PSMA1: variants seen among roughly 807,000 people sequenced by gnomAD.
The protein encoded by PSMA1 is proteasome subunit alpha type-1.
Under a neutral mutation model 38.4 loss-of-function variants are expected in PSMA1, and 3 were observed. The observed-to-expected ratio is 0.08, with a 90% CI of 0.04 to 0.20. PSMA1 has a LOEUF of 0.20. PSMA1 is among the 10% of genes least tolerant of loss of function. The pLI, the probability that PSMA1 is intolerant of heterozygous loss-of-function variation, is 1.00. For synonymous variants in PSMA1, 101 were observed against 107.1 expected (o/e 0.94, Z 0.35); for missense variants, 227 against 325.3 (o/e 0.70, Z 2.32).
chr11:14,621,444 T>G (rs975706337), intron 1 of PSMA1, among the ~76,000 whole-genome samples: 4 of 150,530 alleles, frequency 2.7e-5, no homozygotes, highest in African/African-American at 9.7e-5. Flanking sequence ...TTTTGTTTTG[T>G]TTTTTTTGTA....
At chr11:14,608,159 T>C (rs994530590) in intron 2 of PSMA1, among the ~76,000 whole-genome samples, 1 of 152,038 alleles carries the variant, frequency 6.6e-6, no homozygotes, top group Non-Finnish European at 1.5e-5. Flanking sequence ...GAGACCAACT[T>C]GGGCAACATG....
At chr11:14,597,052 G>T (rs1446414279) in intron 2 of PSMA1, among the ~76,000 whole-genome samples, 1 of 152,168 alleles carries the variant, frequency 6.6e-6, no homozygotes, top group Admixed American at 6.5e-5. Context: ...TACGTTTATT[G>T]ATTTGCGTAT....
At chr11:14,614,808 C>T (rs1852751817) in intron 1 of PSMA1, among the ~76,000 whole-genome samples, 1 of 152,182 alleles carries the variant, frequency 6.6e-6, no homozygotes, top group Non-Finnish European at 1.5e-5. Context: ...TGGCAAAGAT[C>T]CCCAAAATGA....
At chr11:14,580,752 A>G (rs566457772) in intron 2 of PSMA1, among the ~76,000 whole-genome samples, 1 of 152,356 alleles carries the variant, frequency 6.6e-6, no homozygotes. Flanking sequence ...AGCCATAGGC[A>G]GAGAAGAACA....
intron 1 of PSMA1, among the ~76,000 whole-genome samples, chr11:14,626,307 C>A (rs1852911300): frequency 6.6e-6 from 1 of 152,106 alleles, no homozygotes; most frequent in South Asian, 2.1e-4. Context: ...ATAAATGAGA[C>A]CATTTTGTTA....
At chr11:14,565,593 T>C (rs1473473281) in intron 2 of PSMA1, among the ~76,000 whole-genome samples, 3 of 152,214 alleles carry the variant, frequency 2.0e-5, no homozygotes, top group Non-Finnish European at 2.9e-5. Flanking sequence ...TATAGCTACC[T>C]ACCAAGGAAT....
chr11:14,515,229 G>C (rs1231121252), intron 4 of PSMA1, among the ~76,000 whole-genome samples: 1 of 152,180 alleles, frequency 6.6e-6, no homozygotes, highest in Non-Finnish European at 1.5e-5. Flanking sequence ...TCCCAATGCT[G>C]CCTAAAAGTA....
In PSMA1 at chr11:14,530,317, C is replaced by T. The variant is rs563093424; in HGVS notation, c.22-11276G>A. Among the ~76,000 whole-genome samples, 4 of 152,290 alleles carry T rather than the reference C, an allele frequency of 2.6e-5. No homozygotes were observed. The South Asian group carries it at 8.3e-4, about 32-fold the overall frequency. On this transcript the variant is annotated intron_variant, in intron 2 of 10. Transcript: ENST00000418988. ...GATGGACAGCTAAGAGTTGCAAAAACAGTTCCCTTTCCACTCCTGCCACCT... is the reference window on the plus strand; with the variant it reads ...GATGGACAGCTAAGAGTTGCAAAAATAGTTCCCTTTCCACTCCTGCCACCT...
intron 2 of PSMA1, among the ~76,000 whole-genome samples, chr11:14,568,528 A>C (rs1338331653): frequency 6.6e-6 from 1 of 152,220 alleles, no homozygotes; most frequent in Non-Finnish European, 1.5e-5. Flanking sequence ...CTCAGATGGA[A>C]TTTCACAGTC....
intron 2 of PSMA1, among the ~76,000 whole-genome samples, chr11:14,561,809 T>TTAAACTAAAC (rs71044010): frequency 0.027 from 4,061 of 147,906 alleles, 72 homozygotes; most frequent in East Asian, 0.033. Context: ...CTAAACTAAA[T>TTAAACTAAAC]TAAACTAAAC....
At chr11:14,540,908 G>T (rs1370644720) in intron 2 of PSMA1, among the ~76,000 whole-genome samples, 14 of 150,136 alleles carry the variant, frequency 9.3e-5, no homozygotes, top group African/African-American at 3.2e-4. Context: ...TTGGACACAG[G>T]AAGGGGAACA....
intron 2 of PSMA1, among the ~76,000 whole-genome samples, chr11:14,610,200 A>G (rs1469764568): frequency 6.6e-6 from 1 of 152,194 alleles, no homozygotes; most frequent in African/African-American, 2.4e-5. Context: ...AAAAGTTTAA[A>G]AATCTTCACA....
chr11:14,626,239 A>C (rs1000091015), intron 1 of PSMA1, among the ~76,000 whole-genome samples: 1 of 152,014 alleles, frequency 6.6e-6, no homozygotes, highest in Non-Finnish European at 1.5e-5. Flanking sequence ...TGAGCAAAAC[A>C]CTACTAGAAA....
At chr11:14,520,193 C>T in intron 1 of PSMA1, 104 bp downstream of exon 1, 1 of 1,558,932 alleles carries the variant, frequency 6.4e-7, no homozygotes, top group Non-Finnish European at 8.8e-7. Flanking sequence ...GCTCTCATAC[C>T]TCGTGGCACC....
At position 14,513,690 on chromosome 11, in the gene PSMA1, G is replaced by A. The variant is rs766682460; in HGVS notation, c.424C>T (p.Pro142Ser). 6.3e-7 allele frequency: 1 copy of A among 1,579,954 alleles called. No homozygotes were observed. Among genetic ancestry groups the A allele is most frequent in the South Asian group, 1.2e-5 (1 of 83,902 alleles). ...GATGGACAGGTTTGGAAAATGTGAG[G>A]GCCCATATCCTACAAATAGAAATAA... ...LLIAGYDDMG[P>S]HIFQTCPSAN... The change falls in exon 7 of 10, where the codon CCT (proline) becomes TCT (serine). Residue 142 changes from proline (P) to serine (S), a missense_variant. Coordinates refer to ENST00000396394, the MANE Select transcript of PSMA1 (RefSeq NM_002786.4).
intron 2 of PSMA1, among the ~76,000 whole-genome samples, chr11:14,576,134 T>G (rs1264558118): frequency 2.6e-5 from 4 of 152,172 alleles, no homozygotes; most frequent in Non-Finnish European, 4.4e-5. Flanking sequence ...ATATTTGTTT[T>G]TTTCTTGTAA....
At chr11:14,579,785 G>A (rs1852261784) in intron 2 of PSMA1, among the ~76,000 whole-genome samples, 1 of 152,116 alleles carries the variant, frequency 6.6e-6, no homozygotes, top group Admixed American at 6.5e-5. Context: ...AGCAAGAGGG[G>A]CATGTGATGC....
At chr11:14,506,493 A>G (rs913967658) in intron 9 of PSMA1, among the ~76,000 whole-genome samples, 3 of 152,256 alleles carry the variant, frequency 2.0e-5, no homozygotes, top group African/African-American at 7.2e-5. Flanking sequence ...AGAAATTTCC[A>G]TACTAGATTC....
upstream of PSMA1, among the ~76,000 whole-genome samples, chr11:14,525,179 A>G (rs1851572921): frequency 6.6e-6 from 1 of 151,496 alleles, no homozygotes; most frequent in African/African-American, 2.4e-5. Context: ...TCCTTTATGC[A>G]CTCTTTTTAG....
Sources: gnomAD v4.1 joint callset for allele counts (sites outside exome capture counted in the v4.1 genomes callset) on GRCh38, gnomAD v4.1.1 for gene constraint, MANE v1.5 for transcripts, NCBI Gene and HGNC (gene_info 2026-07-23, HGNC 2026-07-21) for gene names.